The following PDE4D variants were observed in gnomAD, a reference collection of about 807,000 sequenced individuals.
PDE4D encodes 3',5'-cyclic-AMP phosphodiesterase 4D.
A neutral mutation model predicts 87.4 loss-of-function variants in PDE4D; 24 were observed. The observed-to-expected ratio is 0.27, with a 90% CI of 0.20 to 0.39. The LOEUF is 0.39. PDE4D is among the 10% of genes least tolerant of loss of function. PDE4D has a pLI of 1.00. For synonymous variants in PDE4D, 384 were observed against 383.2 expected (o/e 1.00, Z -0.02); for missense variants, 714 against 1,041.0 (o/e 0.69, Z 4.32).
At chr5:59,984,825 G>C (rs918276299) in intron 3 of PDE4D, among the ~76,000 whole-genome samples, 2 of 152,126 alleles carry the variant, frequency 1.3e-5, no homozygotes, top group Non-Finnish European at 2.9e-5. Flanking sequence ...CTGGCATACT[G>C]ATATGCCAGA....
intron 2 of PDE4D, among the ~76,000 whole-genome samples, chr5:60,114,941 CATGGATGGATGG>C (rs72415755): frequency 1.9e-4 from 17 of 89,128 alleles, no homozygotes; most frequent in African/African-American, 5.0e-4. Context: ...TAGATAGATA[CATGGATGGATGG>C]ATGGATGGAT....
intron 3 of PDE4D, chr5:59,986,991 G>A (rs1281386665): frequency 6.6e-6 from 1 of 152,176 alleles, no homozygotes; most frequent in Non-Finnish European, 1.5e-5. Flanking sequence ...GGAAGCTTAT[G>A]TTTGGTTTCC....
At chr5:59,742,004 T>C (rs569451462) in intron 1 of PDE4D, among the ~76,000 whole-genome samples, 91 of 152,284 alleles carry the variant, frequency 6.0e-4, no homozygotes, top group Non-Finnish European at 1.1e-3. Flanking sequence ...CTATCACCAG[T>C]ATTACTGTTG....
chr5:60,290,892 C>T (rs1384949131), intron 1 of PDE4D, among the ~76,000 whole-genome samples: 1 of 152,110 alleles, frequency 6.6e-6, no homozygotes, highest in Non-Finnish European at 1.5e-5. Flanking sequence ...TACTCTTTCC[C>T]CTAGTGTATT....
chr5:59,627,386 T>G (rs1831019689), intron 1 of PDE4D, among the ~76,000 whole-genome samples: 1 of 152,160 alleles, frequency 6.6e-6, no homozygotes, highest in Non-Finnish European at 1.5e-5. Flanking sequence ...AATTCTAGGG[T>G]TTTATCTTAC....
chr5:59,531,843 C>CT (rs1160513203), intron 1 of PDE4D, among the ~76,000 whole-genome samples: 1 of 152,100 alleles, frequency 6.6e-6, no homozygotes, highest in Non-Finnish European at 1.5e-5. Flanking sequence ...TCTGCAAAAT[C>CT]TTTTTTTGCA....
At chr5:59,518,608 C>T (rs1194639412) in intron 1 of PDE4D, among the ~76,000 whole-genome samples, 1 of 152,080 alleles carries the variant, frequency 6.6e-6, no homozygotes. Context: ...GTCGAATAAA[C>T]AACAGGAATG....
At chr5:60,466,987 T>C (rs1345163847) in intron 1 of PDE4D, among the ~76,000 whole-genome samples, 2 of 151,870 alleles carry the variant, frequency 1.3e-5, no homozygotes. Context: ...ATCTACTACT[T>C]TATTTTAACA....
At chr5:59,093,197 G>A (rs1769051852) in intron 5 of PDE4D, among the ~76,000 whole-genome samples, 1 of 152,182 alleles carries the variant, frequency 6.6e-6, no homozygotes, top group African/African-American at 2.4e-5. Flanking sequence ...AATCCAGAAA[G>A]ACTTACTGCT....
At chr5:59,689,988 C>T (rs937238472) in intron 1 of PDE4D, among the ~76,000 whole-genome samples, 19 of 152,162 alleles carry the variant, frequency 1.2e-4, no homozygotes, top group Middle Eastern at 3.4e-3. Context: ...GAGAATAAAA[C>T]ACCTAGGAAT....
At chr5:60,185,936 G>GAAAA (rs11451682) in intron 1 of PDE4D, among the ~76,000 whole-genome samples, 2 of 139,298 alleles carry the variant, frequency 1.4e-5, no homozygotes, top group Non-Finnish European at 3.1e-5. Context: ...TTTAGTGGCT[G>GAAAA]AAAAAAAAAA....
At chr5:59,258,656 AAT>A (rs1761415277) in intron 1 of PDE4D, among the ~76,000 whole-genome samples, 1 of 148,878 alleles carries the variant, frequency 6.7e-6, no homozygotes, top group African/African-American at 2.4e-5. Context: ...ATCAGTTAGA[AAT>A]ATATATCATA....
intron 1 of PDE4D, among the ~76,000 whole-genome samples, chr5:59,587,845 T>C (rs1344479807): frequency 6.6e-6 from 1 of 152,160 alleles, no homozygotes; most frequent in Non-Finnish European, 1.5e-5. Context: ...GAGAAGCCTG[T>C]AAAACACCTC....
rs945104328 is a variant in PDE4D at position 58,969,556 on chromosome 5, C to T, written c.*5108G>A. 9 of 152,198 alleles carry T rather than the reference C, an allele frequency of 5.9e-5. No homozygotes were observed. The highest frequency in any genetic ancestry group is 2.2e-4 in the African/African-American group (9 of 41,444). 9.4% of individuals were successfully genotyped at this position (152,198 alleles called of 1,614,324 possible). On this transcript the variant is annotated 3_prime_UTR_variant, in exon 15 of 15. Transcript: ENST00000340635. Reference sequence around the variant, plus strand: ...TTTCTCAAGGCCTCAAGGAAGCCTTCTGTGGCCCTCCGGAACAGATCAAGT... The same window carrying T: ...TTTCTCAAGGCCTCAAGGAAGCCTTTTGTGGCCCTCCGGAACAGATCAAGT...
chr5:59,938,719 G>C (rs1324566906), intron 3 of PDE4D, among the ~76,000 whole-genome samples: 1 of 152,110 alleles, frequency 6.6e-6, no homozygotes, highest in Non-Finnish European at 1.5e-5. Flanking sequence ...TTTCCTGCTA[G>C]CAAGGCCTAC....
At chr5:58,978,717 A>AG (rs1744409239) in intron 11 of PDE4D, among the ~76,000 whole-genome samples, 1 of 152,140 alleles carries the variant, frequency 6.6e-6, no homozygotes. Flanking sequence ...TTAGACTAGT[A>AG]GGGAGTAGGT....
chr5:60,044,612 G>T (rs1268844097), intron 2 of PDE4D, among the ~76,000 whole-genome samples: 1 of 151,984 alleles, frequency 6.6e-6, no homozygotes, highest in Non-Finnish European at 1.5e-5. Flanking sequence ...AGAATATGCG[G>T]TGTTTGGTTT....
At chr5:60,409,896 A>G (rs79757630) in intron 1 of PDE4D, among the ~76,000 whole-genome samples, 12 of 151,974 alleles carry the variant, frequency 7.9e-5, no homozygotes, top group African/African-American at 2.9e-4. Context: ...AAAGCAGGGA[A>G]GAACAAAGCA....
chr5:60,498,360 C>T (rs139015353), intron 1 of PDE4D, among the ~76,000 whole-genome samples: 1 of 152,316 alleles, frequency 6.6e-6, no homozygotes, highest in Non-Finnish European at 1.5e-5. Flanking sequence ...GAGTCCATTC[C>T]ACTAAAGGAC....
Sources: gnomAD v4.1 joint callset for allele counts (sites outside exome capture counted in the v4.1 genomes callset) on GRCh38, gnomAD v4.1.1 for gene constraint, MANE v1.5 for transcripts, NCBI Gene and HGNC (gene_info 2026-07-23, HGNC 2026-07-21) for gene names.